Variants in SLC4A5 observed in about 807,000 individuals in gnomAD.
SLC4A5 encodes solute carrier family 4 member 5, also known as electrogenic sodium bicarbonate cotransporter 4.
Under a neutral mutation model 120.4 loss-of-function variants are expected in SLC4A5, and 96 were observed. The ratio of observed to expected loss-of-function variants is 0.80; its 90% CI spans 0.68 to 0.94. The LOEUF is 0.94. SLC4A5 is among the 40% of genes least tolerant of loss of function. SLC4A5 has a pLI of 0.00. For synonymous variants in SLC4A5, 550 were observed against 571.1 expected (o/e 0.96, Z 0.53); for missense variants, 1,259 against 1,459.5 (o/e 0.86, Z 2.24).
intron 8 of SLC4A5, 47 bp from the exon 9 acceptor site, chr2:74,265,311 G>A (rs762169561): frequency 1.7e-4 from 268 of 1,593,692 alleles, no homozygotes; most frequent in Non-Finnish European, 2.1e-4. Context: ...CCCTCAGGAG[G>A]AGGCCTCACC....
exon 31 of SLC4A5, chr2:74,216,925 C>T (rs978757805): frequency 1.3e-5 from 2 of 152,168 alleles, no homozygotes; most frequent in African/African-American, 4.8e-5. Flanking sequence ...TATACTTAAG[C>T]ATAGGAGATG....
intron 11 of SLC4A5, among the ~76,000 whole-genome samples, chr2:74,260,719 G>A (rs1671108294): frequency 6.6e-6 from 1 of 152,040 alleles, no homozygotes; most frequent in Non-Finnish European, 1.5e-5. Context: ...ATTCTGGAAT[G>A]CAGGCTCAGT....
chr2:74,304,051 G>A (rs935820059), intron 7 of SLC4A5, among the ~76,000 whole-genome samples: 15 of 151,742 alleles, frequency 9.9e-5, no homozygotes, highest in African/African-American at 3.6e-4. Context: ...GGGTTTCACC[G>A]TTTTAGCCGG....
At chr2:74,342,220 T>C (rs1673644485) in intron 2 of SLC4A5, among the ~76,000 whole-genome samples, 1 of 152,230 alleles carries the variant, frequency 6.6e-6, no homozygotes, top group South Asian at 2.1e-4. Flanking sequence ...TGACATCCTT[T>C]GTGCTAAAGT....
rs769187499 is a variant in SLC4A5 at position 74,252,360 on chromosome 2, C to T, written c.1297G>A (p.Gly433Ser). Residue 433 changes from glycine (G) to serine (S), a missense_variant, in exon 16 of 31, where the codon GGC (glycine) becomes AGC (serine). Gly to Ser is a moderately conservative substitution (Grantham distance 56). Transcript: ENST00000394019. ...CCTCCCACAGAGCCATTCATCTGGCCCAGCTCTGCTAGGGAGAACACAGAT... is the reference window on the plus strand; with the variant it reads ...CCTCCCACAGAGCCATTCATCTGGCTCAGCTCTGCTAGGGAGAACACAGAT... The T allele has an allele frequency of 9.3e-6, 15 of 1,613,602 alleles. No individual in the cohort carries two copies. The Admixed American group carries it at 1.2e-4, about 13-fold the overall frequency.
At chr2:74,314,973 G>A in exon 6 of SLC4A5, 1 of 1,613,934 alleles carries the variant, frequency 6.2e-7, no homozygotes, top group Non-Finnish European at 8.5e-7. Context: ...TCCTCCTGTG[G>A]TTAGTGTGGT....
At chr2:74,290,955 G>A (rs1672148373) in intron 7 of SLC4A5, among the ~76,000 whole-genome samples, 1 of 152,072 alleles carries the variant, frequency 6.6e-6, no homozygotes, top group Non-Finnish European at 1.5e-5. Context: ...AGGAGCCTTG[G>A]TGGCAGGTGA....
chr2:74,323,165 A>T (rs989349706), intron 5 of SLC4A5, among the ~76,000 whole-genome samples: 1 of 152,136 alleles, frequency 6.6e-6, no homozygotes, highest in African/African-American at 2.4e-5. Context: ...ATTTGAACCC[A>T]GGAGGTGGAG....
intron 8 of SLC4A5, among the ~76,000 whole-genome samples, chr2:74,280,032 G>A (rs563382666): frequency 1.3e-5 from 2 of 152,066 alleles, no homozygotes; most frequent in South Asian, 2.1e-4. Context: ...GGATATGCAC[G>A]ATTCTGTCCT....
At chr2:74,328,604 T>C (rs1447673613) in intron 4 of SLC4A5, among the ~76,000 whole-genome samples, 3 of 152,184 alleles carry the variant, frequency 2.0e-5, no homozygotes, top group South Asian at 2.1e-4. Flanking sequence ...CTTTATATAA[T>C]GAAAAATTGA....
intron 12 of SLC4A5, among the ~76,000 whole-genome samples, 178 bp downstream of exon 12, chr2:74,259,410 C>T (rs1025744232): frequency 9.2e-5 from 14 of 152,260 alleles, no homozygotes; most frequent in East Asian, 1.9e-4. Flanking sequence ...CGTCATTCCC[C>T]GACTACTGGC....
intron 6 of SLC4A5, chr2:74,306,605 T>C (rs1158295032): frequency 5.5e-6 from 2 of 364,536 alleles, no homozygotes; most frequent in South Asian, 2.8e-5. Flanking sequence ...ACTAGCAATA[T>C]ACATTTAAGC....
chr2:74,289,713 C>T (rs2104193004), intron 7 of SLC4A5, among the ~76,000 whole-genome samples: 1 of 152,154 alleles, frequency 6.6e-6, no homozygotes, highest in South Asian at 2.1e-4. Context: ...GACAAAAAAC[C>T]AACAATTGAG....
chr2:74,264,070 A>G (rs1292673231), intron 10 of SLC4A5, 77 bp downstream of exon 10: 1 of 1,524,172 alleles, frequency 6.6e-7, no homozygotes, highest in Non-Finnish European at 8.8e-7. Flanking sequence ...CCAGCCCCTA[A>G]GGTGGGCTCA....
chr2:74,261,993 T>G, intron 11 of SLC4A5, 144 bp downstream of exon 11: 1 of 645,662 alleles, frequency 1.5e-6, no homozygotes, highest in Non-Finnish European at 2.6e-6. Context: ...GGGTTTAGAG[T>G]GAAAGTTAGG....
exon 21 of SLC4A5, chr2:74,239,461 G>T (rs755570834): frequency 1.9e-6 from 3 of 1,613,944 alleles, no homozygotes; most frequent in East Asian, 2.2e-5. Flanking sequence ...TCCCAAGCAG[G>T]CGCCCGCCGT....
intron 8 of SLC4A5, among the ~76,000 whole-genome samples, chr2:74,281,064 C>A (rs977513889): frequency 1.2e-4 from 19 of 152,206 alleles, no homozygotes; most frequent in African/African-American, 4.6e-4. Context: ...GGAGTGAGAG[C>A]ATCCCTGCCT....
chr2:74,246,669 C>T (rs1670621893), intron 19 of SLC4A5, among the ~76,000 whole-genome samples: 1 of 152,212 alleles, frequency 6.6e-6, no homozygotes, highest in Non-Finnish European at 1.5e-5. Flanking sequence ...CGTATCATGA[C>T]TTGATGGAGC....
intron 6 of SLC4A5, among the ~76,000 whole-genome samples, chr2:74,305,739 T>G (rs1213903975): frequency 2.0e-5 from 3 of 147,948 alleles, no homozygotes; most frequent in Non-Finnish European, 4.5e-5. Flanking sequence ...TTTTTTTTTT[T>G]TTTGAGACGG....
Sources: gnomAD v4.1 joint callset for allele counts (sites outside exome capture counted in the v4.1 genomes callset) on GRCh38, gnomAD v4.1.1 for gene constraint, MANE v1.5 for transcripts, NCBI Gene and HGNC (gene_info 2026-07-23, HGNC 2026-07-21) for gene names.